Variants in P4HA1 observed in about 807,000 individuals in gnomAD.
P4HA1 encodes the protein prolyl 4-hydroxylase subunit alpha 1, also known as prolyl 4-hydroxylase subunit alpha-1.
In P4HA1, 24 loss-of-function variants were observed where a neutral mutation model predicts 72.8. The ratio of observed to expected loss-of-function variants is 0.33; its 90% CI spans 0.24 to 0.46. P4HA1 has a LOEUF of 0.46. Among genes scored for constraint, P4HA1 ranks in the 20% least tolerant of loss-of-function variants. P4HA1 has a pLI of 1.00. For synonymous variants in P4HA1, 201 were observed against 218.8 expected (o/e 0.92, Z 0.72); for missense variants, 446 against 640.6 (o/e 0.70, Z 3.28).
At chr10:73,025,218 G>A (rs866559413) in intron 10 of P4HA1, among the ~76,000 whole-genome samples, 11 of 151,528 alleles carry the variant, frequency 7.3e-5, no homozygotes, top group South Asian at 2.1e-4. Context: ...GATGAACATC[G>A]ACGCAAAAAT....
chr10:73,010,662 A>G (rs1020093173), intron 13 of P4HA1, among the ~76,000 whole-genome samples: 1 of 152,152 alleles, frequency 6.6e-6, no homozygotes, highest in Non-Finnish European at 1.5e-5. Flanking sequence ...TGAGCCCAAG[A>G]GTTCAAGACC....
Position 73,053,553 on chromosome 10 carries a change from G to A in P4HA1, c.501C>T (p.Cys167=), listed in dbSNP as rs758045187. 6.2e-7 allele frequency: 1 copy of A among 1,613,904 alleles called. No homozygotes were observed. Among genetic ancestry groups the A allele is most frequent in the Middle Eastern group, 1.6e-4 (1 of 6,062 alleles). Residue 167 remains cysteine, a synonymous_variant, in exon 6 of 15, where the codon TGC becomes TGT. Transcript: ENST00000394890. The part of the protein sequence containing the change: ...KHKSFLTAED[C]FELGKVAYTE... ...TATAGGCCACTTTGCCCAACTCAAAGCAGTCCTCAGCCGTTAGAAAAGATT... is the reference window on the plus strand; with the variant it reads ...TATAGGCCACTTTGCCCAACTCAAAACAGTCCTCAGCCGTTAGAAAAGATT...
intron 1 of P4HA1, among the ~76,000 whole-genome samples, chr10:73,093,873 AATATATATATATATATAT>A (rs1167437294): frequency 0.011 from 325 of 29,296 alleles, 1 homozygote; most frequent in Non-Finnish European, 0.017. Context: ...AAAAAAAAAA[AATATATATATATATATAT>A]ATATATATAT....
chr10:73,083,980 A>C (rs964234159), intron 1 of P4HA1, among the ~76,000 whole-genome samples: 2 of 152,184 alleles, frequency 1.3e-5, no homozygotes, highest in African/African-American at 4.8e-5. Context: ...ACAAGCTAAC[A>C]AAAAAACAAA....
chr10:73,038,946 G>T (rs916725128), intron 9 of P4HA1, among the ~76,000 whole-genome samples: 1 of 152,052 alleles, frequency 6.6e-6, no homozygotes, highest in Non-Finnish European at 1.5e-5. Flanking sequence ...TTTTAATAGT[G>T]GAAAAGACAG....
intron 1 of P4HA1, among the ~76,000 whole-genome samples, chr10:73,089,880 C>T (rs1010357375): frequency 2.6e-5 from 4 of 152,094 alleles, no homozygotes; most frequent in African/African-American, 7.2e-5. Flanking sequence ...GCCGATGCCC[C>T]GGCTAGAGTG....
At chr10:73,036,156 G>A (rs928463953) in intron 9 of P4HA1, among the ~76,000 whole-genome samples, 2 of 145,834 alleles carry the variant, frequency 1.4e-5, no homozygotes, top group African/African-American at 2.6e-5. Context: ...CATTGCACTC[G>A]AGTCTGGGCA....
At chr10:73,043,143 A>T (rs1195456673) in intron 9 of P4HA1, among the ~76,000 whole-genome samples, 3 of 152,212 alleles carry the variant, frequency 2.0e-5, no homozygotes, top group Non-Finnish European at 4.4e-5. Context: ...TCTAAATAAC[A>T]TGACTAAACA....
At chr10:73,041,118 T>C (rs143343773) in intron 9 of P4HA1, among the ~76,000 whole-genome samples, 1 of 152,300 alleles carries the variant, frequency 6.6e-6, no homozygotes, top group Admixed American at 6.5e-5. Flanking sequence ...AATCATATTA[T>C]GGCAAATTTA....
At chr10:73,077,716 C>G (rs921293024) in intron 1 of P4HA1, among the ~76,000 whole-genome samples, 1 of 151,706 alleles carries the variant, frequency 6.6e-6, no homozygotes. Flanking sequence ...CACAGTGGTT[C>G]ACACCTGTAA....
At chr10:73,021,357 A>C (rs1256313993) in intron 10 of P4HA1, among the ~76,000 whole-genome samples, 1 of 152,230 alleles carries the variant, frequency 6.6e-6, no homozygotes, top group Admixed American at 6.5e-5. Flanking sequence ...ATGAAGAGAT[A>C]TCCGCATTCC....
rs11559264 is a variant in P4HA1 at position 73,074,824 on chromosome 10, G to A, written c.60C>T (p.Gly20=). The change falls in exon 2 of 15, where the codon GGC becomes GGT. Residue 20 remains glycine, a synonymous_variant. Transcript: ENST00000394890. ...ILLPQSLAHP[G]FFTSIGQMTD... is the part of the protein sequence containing the mutation. ...AAGACTTACCAATTGAAGTAAAAAA[G>A]CCTGGATGAGCCAAAGACTGGGGAA... is the stretch of plus-strand genomic sequence containing the variant. The A allele has an allele frequency of 6.4e-7, 1 of 1,559,528 alleles. No individual in the cohort carries two copies. Among genetic ancestry groups the A allele is most frequent in the Non-Finnish European group, 8.8e-7 (1 of 1,131,466 alleles).
chr10:73,028,799 C>G (rs1488771371), intron 10 of P4HA1, among the ~76,000 whole-genome samples: 1 of 152,000 alleles, frequency 6.6e-6, no homozygotes, highest in African/African-American at 2.4e-5. Flanking sequence ...AATCCCAACA[C>G]TTTGGGAGGC....
At chr10:73,046,891 TA>T in intron 8 of P4HA1, 33 bp downstream of exon 8, 1 of 1,449,356 alleles carries the variant, frequency 6.9e-7, no homozygotes, top group South Asian at 1.2e-5. Flanking sequence ...AAAGGTACAG[TA>T]AATTGAGGAG....
intron 11 of P4HA1, among the ~76,000 whole-genome samples, chr10:73,015,014 A>G (rs1243671669): frequency 6.6e-6 from 1 of 151,696 alleles, no homozygotes. Context: ...TATTTTTAGT[A>G]GAGATGGAGT....
In P4HA1 at chr10:73,051,265, C is replaced by T; in HGVS notation, c.704-16G>A. 1 of 1,405,870 alleles carries T rather than the reference C, an allele frequency of 7.1e-7. No homozygotes were observed. The highest frequency in any genetic ancestry group is 1.2e-5 in the South Asian group (1 of 84,374). The allele number at this position is 1,405,870 out of a possible 1,614,324, so 87.1% of individuals were successfully genotyped here. A position where few individuals can be genotyped will look rare whatever the true frequency, so the allele number is the denominator to read the frequency against. ...TGTTCAGGATCTATTAGAAGAGAAA[C>T]AAAGCATGTCCATGGGTAAGTTCAT... On this transcript the variant is annotated splice_polypyrimidine_tract_variant and intron_variant, in intron 6 of 14. Transcript: ENST00000394890.
At chr10:73,069,013 A>G (rs199869808) in intron 4 of P4HA1, 30 bp from the exon 5 acceptor site, 1 of 1,551,276 alleles carries the variant, frequency 6.4e-7, no homozygotes, top group Non-Finnish European at 8.8e-7. Flanking sequence ...AGAAAAAAAA[A>G]CTGTAGAACC....
At chr10:73,067,908 T>C (rs1335860513) in intron 5 of P4HA1, among the ~76,000 whole-genome samples, 2 of 152,206 alleles carry the variant, frequency 1.3e-5, no homozygotes, top group African/African-American at 2.4e-5. Context: ...TCTTGTTCAT[T>C]ATGTGTCCCC....
intron 1 of P4HA1, among the ~76,000 whole-genome samples, chr10:73,088,420 C>T (rs1174541119): frequency 6.6e-6 from 1 of 152,168 alleles, no homozygotes; most frequent in African/African-American, 2.4e-5. Context: ...CCAGTATTCC[C>T]TCCCTTGGTA....
Sources: allele counts gnomAD v4.1 joint callset (sites outside exome capture counted in the v4.1 genomes callset), GRCh38; gene constraint gnomAD v4.1.1; transcripts MANE v1.5; gene names NCBI Gene and HGNC (gene_info 2026-07-23, HGNC 2026-07-21).